NPAS3: variants seen among roughly 807,000 people sequenced by gnomAD.
NPAS3 encodes the protein neuronal PAS domain-containing protein 3.
NPAS3 carries 14 observed loss-of-function variants against 73.1 expected under a neutral mutation model. That is an observed-to-expected ratio of 0.19 (90% CI 0.13 to 0.30). NPAS3 has a LOEUF of 0.30. NPAS3 is among the 10% of genes least tolerant of loss of function. The pLI is 1.00. For synonymous variants in NPAS3, 620 were observed against 541.5 expected, an observed-to-expected ratio of 1.14 and a Z score of -2.01; for missense variants, 1,096 against 1,250.0, an observed-to-expected ratio of 0.88 and a Z score of 1.86.
chr14:33,355,266 G>A (rs780760187), intron 3 of NPAS3, among the ~76,000 whole-genome samples: 1 of 152,138 alleles, frequency 6.6e-6, no homozygotes, highest in Non-Finnish European at 1.5e-5. Flanking sequence ...TTTCACTAGA[G>A]TTAGATGCTC....
At chr14:33,227,053 T>A (rs558171722) in intron 3 of NPAS3, among the ~76,000 whole-genome samples, 2 of 152,290 alleles carry the variant, frequency 1.3e-5, no homozygotes, top group South Asian at 2.1e-4. Context: ...TTAAAAAATA[T>A]GTAAAATGCA....
At chr14:33,495,205 C>A (rs1182697209) in intron 4 of NPAS3, among the ~76,000 whole-genome samples, 2 of 152,022 alleles carry the variant, frequency 1.3e-5, no homozygotes, top group South Asian at 2.1e-4. Context: ...CAAAGAACTT[C>A]TTTATTTCTG....
At chr14:33,693,567 A>G (rs6571608) in intron 6 of NPAS3, among the ~76,000 whole-genome samples, 47,763 of 152,012 alleles carry the variant, frequency 0.31, 8,155 homozygotes, top group Non-Finnish European at 0.39. Context: ...AGCCATTTCT[A>G]TCAAAATGAT....
At chr14:33,215,514 C>T in intron 3 of NPAS3, 88 bp downstream of exon 3, 1 of 1,421,004 alleles carries the variant, frequency 7.0e-7, no homozygotes, top group Non-Finnish European at 9.9e-7. Flanking sequence ...TTCTTCTTTT[C>T]CTGCATATCA....
Position 33,793,877 on chromosome 14 carries a change from G to A in NPAS3, c.1154-20G>A. The A allele has an allele frequency of 6.2e-7, 1 of 1,601,868 alleles. No homozygotes were observed. Among genetic ancestry groups the A allele is most frequent in the Non-Finnish European group, 8.5e-7 (1 of 1,175,060 alleles). On this transcript the variant is annotated intron_variant, in intron 9 of 11. Coordinates refer to ENST00000356141, the Ensembl canonical transcript of NPAS3. ...ATCCCAGTCTTAATACAATGCCTCT[G>A]TTTTGTTTTTTTTCGCCAGTGCTGA...
At chr14:33,246,784 A>C (rs2048399916) in intron 3 of NPAS3, among the ~76,000 whole-genome samples, 1 of 140,146 alleles carries the variant, frequency 7.1e-6, no homozygotes, top group Admixed American at 7.7e-5. Context: ...CCTGAGGATC[A>C]GGAGTTCGAG....
chr14:33,250,413 A>G (rs891100014), intron 3 of NPAS3, among the ~76,000 whole-genome samples: 1 of 152,114 alleles, frequency 6.6e-6, no homozygotes, highest in Non-Finnish European at 1.5e-5. Context: ...TGCCAGCAAT[A>G]AAGTTGTAAT....
At chr14:33,463,183 C>T (rs2050353390) in intron 4 of NPAS3, among the ~76,000 whole-genome samples, 1 of 152,194 alleles carries the variant, frequency 6.6e-6, no homozygotes, top group African/African-American at 2.4e-5. Context: ...ATGAGCATTA[C>T]ATCTTGGCCG....
intron 4 of NPAS3, among the ~76,000 whole-genome samples, chr14:33,380,507 T>A (rs1274911780): frequency 6.6e-6 from 1 of 152,172 alleles, no homozygotes; most frequent in Admixed American, 6.5e-5. Flanking sequence ...CTTGTGAATA[T>A]CACTTCTCAG....
At chr14:33,731,860 C>A (rs2061411009) in intron 6 of NPAS3, among the ~76,000 whole-genome samples, 1 of 152,104 alleles carries the variant, frequency 6.6e-6, no homozygotes, top group Non-Finnish European at 1.5e-5. Context: ...GAGTATATTT[C>A]TTTATTTAGC....
At chr14:33,337,117 A>C (rs1430630900) in intron 3 of NPAS3, among the ~76,000 whole-genome samples, 2 of 152,036 alleles carry the variant, frequency 1.3e-5, no homozygotes, top group Non-Finnish European at 2.9e-5. Flanking sequence ...TCTTTTATGG[A>C]TCATACTTCA....
In NPAS3 at chr14:33,496,009, A is replaced by G. The variant is rs2052166168; in HGVS notation, c.469-64112A>G. Reference sequence around the variant, plus strand: ...AATCAAATAGACACAATAAAAAATGATAACGGGGAATATCACCACTAATCC... The same window carrying G: ...AATCAAATAGACACAATAAAAAATGGTAACGGGGAATATCACCACTAATCC... On this transcript the variant is annotated intron_variant, in intron 4 of 11. Transcript: ENST00000356141. 3.9e-5 allele frequency among the ~76,000 whole-genome samples: 6 copies of G among 152,282 alleles called. No homozygotes were observed. The South Asian group carries it at 8.3e-4, about 21-fold the overall frequency.
intron 5 of NPAS3, among the ~76,000 whole-genome samples, chr14:33,640,179 C>T (rs186418474): frequency 2.0e-5 from 3 of 149,406 alleles, no homozygotes; most frequent in Admixed American, 6.6e-5. Flanking sequence ...ATCGCGACAG[C>T]GAGACCCCCT....
chr14:33,199,139 A>C (rs1197702234), intron 2 of NPAS3, among the ~76,000 whole-genome samples: 1 of 152,018 alleles, frequency 6.6e-6, no homozygotes, highest in African/African-American at 2.4e-5. Context: ...ACCTCCCCGC[A>C]AGCAGAGGGA....
chr14:33,618,455 A>G (rs2057985669), intron 5 of NPAS3, among the ~76,000 whole-genome samples: 1 of 152,078 alleles, frequency 6.6e-6, no homozygotes, highest in South Asian at 2.1e-4. Flanking sequence ...TCCCATGCAC[A>G]GTTCACAATA....
At chr14:33,590,624 G>A (rs1338399831) in intron 5 of NPAS3, among the ~76,000 whole-genome samples, 1 of 152,120 alleles carries the variant, frequency 6.6e-6, no homozygotes, top group Non-Finnish European at 1.5e-5. Context: ...CTTATTATAA[G>A]TTTATGTACA....
At chr14:32,959,417 A>G (rs1291917717) in intron 1 of NPAS3, among the ~76,000 whole-genome samples, 1 of 152,254 alleles carries the variant, frequency 6.6e-6, no homozygotes. Context: ...TCCAAACCTA[A>G]GTAATGACCT....
At chr14:33,708,109 C>G (rs940188584) in intron 6 of NPAS3, among the ~76,000 whole-genome samples, 1 of 152,152 alleles carries the variant, frequency 6.6e-6, no homozygotes. Context: ...CTGGCCACCA[C>G]CAGCACCTCA....
chr14:33,435,702 G>A (rs2048959331), intron 4 of NPAS3, among the ~76,000 whole-genome samples: 2 of 152,104 alleles, frequency 1.3e-5, no homozygotes, highest in South Asian at 4.1e-4. Context: ...ACCCAAGGGT[G>A]GAGACAGACA....
Sources: gnomAD v4.1 joint callset for allele counts (sites outside exome capture counted in the v4.1 genomes callset) on GRCh38, gnomAD v4.1.1 for gene constraint, MANE v1.5 for transcripts, NCBI Gene and HGNC (gene_info 2026-07-23, HGNC 2026-07-21) for gene names.